The following PRKACB variants were observed in gnomAD, a reference collection of about 807,000 sequenced individuals.
PRKACB encodes protein kinase cAMP-activated catalytic subunit beta, also known as cAMP-dependent protein kinase catalytic subunit beta.
In PRKACB, 16 loss-of-function variants were observed where a neutral mutation model predicts 51.4. That is an observed-to-expected ratio of 0.31 (90% CI 0.21 to 0.47). The LOEUF is 0.47. Ranked by LOEUF, PRKACB falls within the 20% of genes least tolerant of loss-of-function variation. The pLI is 1.00. For missense variants in PRKACB, 309 were observed against 464.5 expected (o/e 0.67, Z 3.08); for synonymous variants, 147 against 154.4 (o/e 0.95, Z 0.35).
intron 1 of PRKACB, among the ~76,000 whole-genome samples, chr1:84,115,294 G>A (rs544179178): frequency 1.3e-5 from 2 of 151,496 alleles, no homozygotes; most frequent in South Asian, 4.2e-4. Flanking sequence ...TAGTGATGTT[G>A]AGCATTTTTC....
At chr1:84,105,721 G>T (rs1037414075) in intron 1 of PRKACB, among the ~76,000 whole-genome samples, 3 of 151,960 alleles carry the variant, frequency 2.0e-5, no homozygotes, top group African/African-American at 7.2e-5. Context: ...GATTACAGGT[G>T]CACGCCACCA....
chr1:84,086,341 T>C (rs1433328111), intron 1 of PRKACB: 1 of 690,556 alleles, frequency 1.4e-6, no homozygotes, highest in Non-Finnish European at 2.5e-6. Flanking sequence ...GCTCCAGCCA[T>C]GAGTGCTTCT....
At chr1:84,186,438 C>T (rs1161284397) in intron 5 of PRKACB, among the ~76,000 whole-genome samples, 3 of 151,910 alleles carry the variant, frequency 2.0e-5, no homozygotes, top group South Asian at 2.1e-4. Flanking sequence ...AGGCTGGTCT[C>T]GAACTCCTGA....
chr1:84,191,187 T>G (rs575156479), intron 5 of PRKACB, among the ~76,000 whole-genome samples: 94 of 152,258 alleles, frequency 6.2e-4, no homozygotes, highest in Admixed American at 4.1e-3. Flanking sequence ...TAGGACTCCC[T>G]TAAGGACCAC....
At position 84,202,165 on chromosome 1, in the gene PRKACB, G is replaced by T. The variant is rs953035074; in HGVS notation, c.784-518G>T. Among the ~76,000 whole-genome samples the T allele has an allele frequency of 2.0e-5, 3 of 152,010 alleles. No homozygotes were observed. The South Asian group carries it at 6.2e-4, about 32-fold the overall frequency. On this transcript the variant is annotated intron_variant, in intron 7 of 9. Coordinates refer to ENST00000370685, the MANE Select transcript of PRKACB (RefSeq NM_182948.4). ...TCACAAAATCCTATGAAGCAGATGG[G>T]ATTATCCCTAGCACATTCACCCTCC... is the stretch of plus-strand genomic sequence containing the variant.
chr1:84,166,622 TA>T (rs991497593), intron 1 of PRKACB, among the ~76,000 whole-genome samples: 4 of 151,738 alleles, frequency 2.6e-5, no homozygotes, highest in African/African-American at 9.7e-5. Flanking sequence ...AATCATGTCA[TA>T]AATGGTTAAG....
rs116475286 is a variant in PRKACB at position 84,135,706 on chromosome 1, A to T, written c.47-43471A>T. 6.6e-5 allele frequency among the ~76,000 whole-genome samples: 10 copies of T among 152,284 alleles called. No homozygotes were observed. In the South Asian group the frequency reaches 8.3e-4, roughly 13 times the overall value. ...CTCCAGAGAAATTTTAAAATATTTT[A>T]AGCTAAATGATAATCAGAGTACAGT... On this transcript the variant is annotated intron_variant, in intron 1 of 8. Coordinates refer to the PRKACB transcript ENST00000370688.
chr1:84,149,545 G>A (rs1249405452), intron 1 of PRKACB, among the ~76,000 whole-genome samples: 1 of 152,128 alleles, frequency 6.6e-6, no homozygotes, highest in East Asian at 1.9e-4. Context: ...ACAGGCCTGA[G>A]CCACTGCACC....
chr1:84,133,334 C>T (rs1422006435), intron 1 of PRKACB, among the ~76,000 whole-genome samples: 1 of 151,978 alleles, frequency 6.6e-6, no homozygotes, highest in African/African-American at 2.4e-5. Flanking sequence ...CCTTCTCAAA[C>T]AAATACTAAG....
chr1:84,210,466 A>G (rs916990832), intron 8 of PRKACB, among the ~76,000 whole-genome samples: 2 of 152,158 alleles, frequency 1.3e-5, no homozygotes, highest in African/African-American at 4.8e-5. Context: ...TTGGACTGGC[A>G]GAAAGCTCAT....
intron 1 of PRKACB, among the ~76,000 whole-genome samples, chr1:84,111,342 C>G (rs1270862987): frequency 6.6e-6 from 1 of 152,088 alleles, no homozygotes; most frequent in Non-Finnish European, 1.5e-5. Context: ...TCTTTCTGTA[C>G]TGCTAGCTAA....
chr1:84,191,578 C>T (rs1362409507), intron 5 of PRKACB, among the ~76,000 whole-genome samples: 6 of 152,040 alleles, frequency 3.9e-5, no homozygotes, highest in Non-Finnish European at 8.8e-5. Context: ...AACACAGGAA[C>T]AAAAATCCAA....
chr1:84,206,464 C>T (rs1327755041), intron 8 of PRKACB, among the ~76,000 whole-genome samples: 3 of 152,218 alleles, frequency 2.0e-5, no homozygotes, highest in South Asian at 2.1e-4. Context: ...TTTATTACAA[C>T]AAAAGGGTAC....
At chr1:84,164,252 G>T (rs1360521075) in intron 1 of PRKACB, 24 of 1,445,556 alleles carry the variant, frequency 1.7e-5, no homozygotes, top group Non-Finnish European at 1.9e-5. Flanking sequence ...AAAAATGAAA[G>T]CTATCAGCGA....
intron 1 of PRKACB, among the ~76,000 whole-genome samples, chr1:84,086,819 C>T (rs1648040918): frequency 6.6e-6 from 1 of 152,134 alleles, no homozygotes; most frequent in African/African-American, 2.4e-5. Flanking sequence ...GCAGGGGGCA[C>T]AGAAAATGAG....
chr1:84,087,481 C>T (rs1648106271), intron 1 of PRKACB, among the ~76,000 whole-genome samples: 1 of 152,112 alleles, frequency 6.6e-6, no homozygotes, highest in Non-Finnish European at 1.5e-5. Context: ...AAAGGTGAAA[C>T]ATGTGTTTAC....
intron 1 of PRKACB, among the ~76,000 whole-genome samples, chr1:84,091,965 A>G (rs566199195): frequency 6.6e-6 from 1 of 152,300 alleles, no homozygotes; most frequent in East Asian, 1.9e-4. Context: ...TAGTGGAGGT[A>G]GAGTGGGCAG....
rs187433987 is a variant in PRKACB, at chr1:84,149,913, A to T, written c.187+5365A>T. Reference sequence around the variant, plus strand: ...TAATAATTATTTTTTCATAGATTATAGCACTTGAGAATGTGTGAAAATAAT... The same window carrying T: ...TAATAATTATTTTTTCATAGATTATTGCACTTGAGAATGTGTGAAAATAAT... On this transcript the variant is annotated intron_variant, in intron 1 of 9. Coordinates refer to ENST00000370685, the MANE Select transcript of PRKACB (RefSeq NM_182948.4). Among the ~76,000 whole-genome samples, 433 of 152,290 alleles carry T rather than the reference A, an allele frequency of 2.8e-3. 2 individuals are homozygous for T. Among genetic ancestry groups the T allele is most frequent in the African/African-American group, 0.01 (417 of 41,554 alleles).
intron 1 of PRKACB, among the ~76,000 whole-genome samples, chr1:84,109,354 T>C (rs1368129785): frequency 6.6e-6 from 1 of 151,962 alleles, no homozygotes; most frequent in Non-Finnish European, 1.5e-5. Context: ...GCATGAGGGT[T>C]CTCATTATTT....
Sources: gnomAD v4.1 joint callset for allele counts (sites outside exome capture counted in the v4.1 genomes callset) on GRCh38, gnomAD v4.1.1 for gene constraint, MANE v1.5 for transcripts, NCBI Gene and HGNC (gene_info 2026-07-23, HGNC 2026-07-21) for gene names.